ZNF536: variants seen among roughly 807,000 people sequenced by gnomAD.
ZNF536 encodes the protein zinc finger protein 536.
ZNF536 carries 13 observed loss-of-function variants against 84.5 expected under a neutral mutation model. That is an observed-to-expected ratio of 0.15 (90% CI 0.10 to 0.24). The LOEUF is 0.24. ZNF536 is among the 10% of genes least tolerant of loss of function. ZNF536 has a pLI of 1.00. For synonymous variants in ZNF536, 811 were observed against 742.5 expected (o/e 1.09, Z -1.50); for missense variants, 1,536 against 1,747.5 (o/e 0.88, Z 2.16).
At chr19:30,608,135 G>C (rs1234813919) in intron 1 of ZNF536, among the ~76,000 whole-genome samples, 2 of 152,070 alleles carry the variant, frequency 1.3e-5, no homozygotes, top group African/African-American at 2.4e-5. Context: ...TTGATTTTTT[G>C]AATGGATTTG....
At chr19:30,483,052 T>C (rs2054153061) in intron 2 of ZNF536, among the ~76,000 whole-genome samples, 1 of 152,208 alleles carries the variant, frequency 6.6e-6, no homozygotes, top group African/African-American at 2.4e-5. Flanking sequence ...GTGCCCCATG[T>C]TCTGACTCCC....
chr19:30,275,331 T>C (rs2026067841), intron 1 of ZNF536, among the ~76,000 whole-genome samples: 1 of 152,140 alleles, frequency 6.6e-6, no homozygotes, highest in Non-Finnish European at 1.5e-5. Flanking sequence ...AAGTTCTCCT[T>C]CCTCACCTTG....
At chr19:30,516,032 A>G (rs1319038954) in intron 2 of ZNF536, among the ~76,000 whole-genome samples, 1 of 151,530 alleles carries the variant, frequency 6.6e-6, no homozygotes, top group Admixed American at 6.6e-5. Flanking sequence ...ATCTCAAAAA[A>G]AAAAAAAAAA....
In ZNF536 at chr19:30,579,500, C is replaced by T. The variant is rs182588400; in HGVS notation, c.169+29986C>T. Among the ~76,000 whole-genome samples the T allele has an allele frequency of 4.8e-3, 735 of 152,238 alleles. 6 individuals are homozygous for T. The highest frequency in any genetic ancestry group is 0.017 in the African/African-American group (717 of 41,556). On this transcript the variant is annotated intron_variant, in intron 1 of 1. Coordinates refer to the ZNF536 transcript ENST00000592773. ...CTCATCTCCAGCAGGTTAGCCTGGG[C>T]TCGTTCTCATGATGGAGGCTCTTCC...
intron 1 of ZNF536, among the ~76,000 whole-genome samples, chr19:30,603,859 G>C (rs537705864): frequency 2.2e-4 from 34 of 152,286 alleles, no homozygotes; most frequent in African/African-American, 5.1e-4. Flanking sequence ...GGAGGCCTAG[G>C]GGGGTGGATC....
At chr19:30,453,784 G>A (rs1202621530) in intron 2 of ZNF536, among the ~76,000 whole-genome samples, 1 of 152,262 alleles carries the variant, frequency 6.6e-6, no homozygotes, top group Admixed American at 6.5e-5. Context: ...AAGGGCAGCA[G>A]TCCAGGCAGA....
At chr19:30,281,396 TCTC>T (rs1286461009) in intron 1 of ZNF536, among the ~76,000 whole-genome samples, 1 of 152,214 alleles carries the variant, frequency 6.6e-6, no homozygotes, top group Non-Finnish European at 1.5e-5. Flanking sequence ...TCCAGCCCTG[TCTC>T]CACCAGGGCC....
intron 2 of ZNF536, among the ~76,000 whole-genome samples, chr19:30,312,978 C>T (rs910236772): frequency 2.0e-5 from 3 of 152,262 alleles, no homozygotes; most frequent in African/African-American, 7.2e-5. Flanking sequence ...ATGATGGCCA[C>T]ACTTCCCATA....
intron 1 of ZNF536, among the ~76,000 whole-genome samples, chr19:30,429,643 G>A (rs769461474): frequency 2.0e-4 from 31 of 152,194 alleles, no homozygotes; most frequent in Admixed American, 6.5e-4. Context: ...CTCTTTGGGT[G>A]GATGTTTCAG....
intron 1 of ZNF536, among the ~76,000 whole-genome samples, chr19:30,650,594 A>G (rs1048283810): frequency 2.6e-5 from 4 of 152,120 alleles, no homozygotes; most frequent in African/African-American, 9.7e-5. Flanking sequence ...TTTTCCTCCC[A>G]CATTGTAAAT....
intron 1 of ZNF536, among the ~76,000 whole-genome samples, chr19:30,249,528 G>C (rs2024485910): frequency 6.6e-6 from 1 of 152,216 alleles, no homozygotes; most frequent in Non-Finnish European, 1.5e-5. Flanking sequence ...GGGGCTCAGA[G>C]CACCAAATGA....
At chr19:30,238,660 GTCTC>G (rs771435562) in intron 1 of ZNF536, among the ~76,000 whole-genome samples, 36 of 149,756 alleles carry the variant, frequency 2.4e-4, no homozygotes, top group Non-Finnish European at 1.9e-4. Flanking sequence ...CTTCCTATCT[GTCTC>G]TCTATCTATC....
At chr19:30,364,512 T>A (rs896338470) in intron 3 of ZNF536, among the ~76,000 whole-genome samples, 1 of 152,214 alleles carries the variant, frequency 6.6e-6, no homozygotes, top group Non-Finnish European at 1.5e-5. Flanking sequence ...AGAAAGATCC[T>A]GTCTTAAAAA....
At chr19:30,285,509 T>A (rs143313282) in intron 2 of ZNF536, among the ~76,000 whole-genome samples, 4 of 152,218 alleles carry the variant, frequency 2.6e-5, no homozygotes, top group African/African-American at 4.8e-5. Context: ...GTGTTTTAGA[T>A]TGAAAGGCAA....
At chr19:30,309,704 T>C (rs1239835981) in intron 2 of ZNF536, among the ~76,000 whole-genome samples, 2 of 152,230 alleles carry the variant, frequency 1.3e-5, no homozygotes, top group African/African-American at 4.8e-5. Flanking sequence ...CATGACAAAG[T>C]ACAATAGTGA....
intron 1 of ZNF536, among the ~76,000 whole-genome samples, chr19:30,440,530 AC>A (rs1306487510): frequency 6.6e-6 from 1 of 152,142 alleles, no homozygotes; most frequent in Non-Finnish European, 1.5e-5. Flanking sequence ...CTGCCTTAGG[AC>A]CCAAGGCTTC....
At chr19:30,352,679 T>C (rs1467880087) in intron 3 of ZNF536, among the ~76,000 whole-genome samples, 2 of 152,126 alleles carry the variant, frequency 1.3e-5, no homozygotes, top group African/African-American at 4.8e-5. Flanking sequence ...CGGTGAGTGG[T>C]GGCTGGCAGG....
At chr19:30,411,787 AATG>A (rs2050506298) in intron 1 of ZNF536, among the ~76,000 whole-genome samples, 1 of 152,054 alleles carries the variant, frequency 6.6e-6, no homozygotes, top group African/African-American at 2.4e-5. Context: ...CACATTTTTT[AATG>A]ATGAATTTTA....
At chr19:30,429,278 G>T (rs746402610) in intron 1 of ZNF536, among the ~76,000 whole-genome samples, 6 of 152,176 alleles carry the variant, frequency 3.9e-5, no homozygotes, top group Admixed American at 6.5e-5. Flanking sequence ...TGGGAATGTT[G>T]CCCTGGTGGA....
Sources: gnomAD v4.1 joint callset for allele counts (sites outside exome capture counted in the v4.1 genomes callset) on GRCh38, gnomAD v4.1.1 for gene constraint, MANE v1.5 for transcripts, NCBI Gene and HGNC (gene_info 2026-07-23, HGNC 2026-07-21) for gene names.